Variants in SFTPD observed in about 807,000 individuals in gnomAD.
SFTPD encodes surfactant protein D, also known as pulmonary surfactant-associated protein D.
In SFTPD, 18 loss-of-function variants were observed where a neutral mutation model predicts 34.6. That is an observed-to-expected ratio of 0.52 (90% CI 0.36 to 0.77). The LOEUF (loss-of-function observed/expected upper bound fraction) is 0.77. SFTPD is among the 30% of genes least tolerant of loss of function. SFTPD has a pLI of 0.00. For missense variants in SFTPD, 433 were observed against 468.9 expected (o/e 0.92, Z 0.71); for synonymous variants, 155 against 180.9 (o/e 0.86, Z 1.15).
At chr10:79,943,789 A>G (rs1158516198) in intron 2 of SFTPD, among the ~76,000 whole-genome samples, 6 of 152,232 alleles carry the variant, frequency 3.9e-5, no homozygotes, top group Non-Finnish European at 7.3e-5. Context: ...ATGGAAGCAC[A>G]GAGGGTTATA....
chr10:79,978,626 T>C (rs960483692), intron 1 of SFTPD, among the ~76,000 whole-genome samples: 6 of 117,342 alleles, frequency 5.1e-5, no homozygotes, highest in Non-Finnish European at 9.5e-5. Context: ...CACTCTAGCC[T>C]GGGCAGCAGA....
intron 1 of SFTPD, chr10:79,972,876 C>T (rs1842843391): frequency 6.6e-6 from 1 of 152,120 alleles, no homozygotes; most frequent in Non-Finnish European, 1.5e-5. Context: ...TGGGAGGATG[C>T]TAGATTTTCT....
intron 1 of SFTPD, chr10:79,970,087 T>G (rs1390100797): frequency 6.6e-6 from 1 of 152,246 alleles, no homozygotes. Flanking sequence ...TTCAATCTTC[T>G]GCATGTGGAC....
chr10:79,967,015 C>T (rs1461581343), intron 1 of SFTPD, among the ~76,000 whole-genome samples: 1 of 138,166 alleles, frequency 7.2e-6, no homozygotes, highest in Middle Eastern at 3.3e-3. Flanking sequence ...TCAAATTGTC[C>T]CTGTTTGCAG....
intron 1 of SFTPD, among the ~76,000 whole-genome samples, chr10:79,963,614 A>G (rs1488761290): frequency 6.6e-6 from 1 of 152,156 alleles, no homozygotes; most frequent in Non-Finnish European, 1.5e-5. Context: ...CCTGTCATGT[A>G]TTTATGACCA....
Position 79,938,193 on chromosome 10 carries a change from T to C in SFTPD, c.787A>G (p.Lys263Glu). The change falls in exon 8 of 8, where the codon AAG (lysine) becomes GAG (glutamate). Residue 263 changes from lysine (K) to glutamate (E), a missense_variant. Physicochemically the swap from Lys to Glu is moderately conservative, Grantham distance 56. Coordinates refer to ENST00000372292, the MANE Select transcript of SFTPD (RefSeq NM_003019.5). ...LFPNGQSVGE[K>E]IFKTAGFVKP... is the part of the protein sequence containing the mutation. ...ACAAAGCCTGCTGTCTTGAAAATCT[T>C]CTCCCCGACACTTTGGCCATTTGGG... 2 of 1,601,672 alleles carry C rather than the reference T, an allele frequency of 1.2e-6. No homozygotes were observed. The highest frequency in any genetic ancestry group is 1.7e-6 in the Non-Finnish European group (2 of 1,169,594).
At chr10:79,973,617 CAA>C (rs5786429) in intron 1 of SFTPD, among the ~76,000 whole-genome samples, 910 of 90,600 alleles carry the variant, frequency 0.01, 10 homozygotes, top group African/African-American at 0.034. Context: ...GACTCTGTCT[CAA>C]AAAAAAAAAA....
chr10:79,976,828 C>T (rs941501919), intron 1 of SFTPD, among the ~76,000 whole-genome samples: 9 of 152,136 alleles, frequency 5.9e-5, no homozygotes, highest in Non-Finnish European at 5.9e-5. Context: ...CCCAGAATTC[C>T]CACATGTTGT....
At chr10:79,949,976 T>C (rs1342844197), upstream of SFTPD, 1 of 152,010 alleles carries the variant, frequency 6.6e-6, no homozygotes, top group Non-Finnish European at 1.5e-5. Context: ...TCAGCCTCTT[T>C]ACAGGTGAGC....
chr10:79,958,726 AC>A (rs1356169616), intron 1 of SFTPD, among the ~76,000 whole-genome samples: 1 of 152,244 alleles, frequency 6.6e-6, no homozygotes, highest in Non-Finnish European at 1.5e-5. Context: ...TCAACATTAG[AC>A]AGATCAACAA....
Position 79,939,681 on chromosome 10 carries a change from A to G in SFTPD, c.751+1024T>C, listed in dbSNP as rs1450140947. On this transcript the variant is annotated intron_variant, in intron 7 of 7. Coordinates refer to ENST00000372292, the MANE Select transcript of SFTPD (RefSeq NM_003019.5). The stretch of plus-strand genomic sequence containing the variant: ...TGAGTGAATTAGAGCATATGCAGAA[A>G]GAGATATATACCAAATGCTTGAAAC... Among the ~76,000 whole-genome samples the G allele has an allele frequency of 2.0e-5, 3 of 152,248 alleles. No individual in the cohort carries two copies. The East Asian group carries it at 5.8e-4, about 29-fold the overall frequency.
chr10:79,968,027 GAA>G (rs1431508464), intron 1 of SFTPD, among the ~76,000 whole-genome samples: 1 of 115,596 alleles, frequency 8.7e-6, no homozygotes, highest in African/African-American at 3.5e-5. Context: ...TTATTGCTCA[GAA>G]AAAAAAAAAA....
Position 79,946,585 on chromosome 10 carries a change from G to A in SFTPD, c.75C>T (p.Thr25=), listed in dbSNP as rs1185933551. The change falls in exon 2 of 8, where the codon ACC becomes ACT. Residue 25 remains threonine (T), a synonymous_variant. Transcript: ENST00000372292. The part of the protein sequence containing the change: ...PLGYLEAEMK[T]YSHRTMPSAC... ...CACTGGGCATTGTTCTGTGGGAGTA[G>A]GTCTTCATTTCTGCTTCCAGGTAGC... 1 of 1,614,094 alleles carries A rather than the reference G, an allele frequency of 6.2e-7. No individual in the cohort carries two copies. The highest frequency in any genetic ancestry group is 8.5e-7 in the Non-Finnish European group (1 of 1,180,020).
chr10:79,978,779 A>T lies in SFTPD; in HGVS notation c.36+3796T>A, dbSNP rs550801596. Among the ~76,000 whole-genome samples, 4 of 151,864 alleles carry T rather than the reference A, an allele frequency of 2.6e-5. No individual in the cohort carries two copies. The East Asian group carries it at 7.8e-4, about 29-fold the overall frequency. On this transcript the variant is annotated intron_variant, in intron 1 of 5. Coordinates refer to the SFTPD transcript ENST00000444384. ...AAATTCTAAAATGTTTTCCTTGAAG[A>T]TTAGAAACAAGACAAGGATGTACAC...
intron 6 of SFTPD, among the ~76,000 whole-genome samples, chr10:79,941,063 T>TG (rs1176725270): frequency 5.8e-4 from 20 of 34,698 alleles, no homozygotes; most frequent in South Asian, 1.1e-3. Flanking sequence ...ATTGGGTGGG[T>TG]GGGGGGGTTG....
chr10:79,977,296 G>A (rs1210826810), intron 1 of SFTPD, among the ~76,000 whole-genome samples: 1 of 152,190 alleles, frequency 6.6e-6, no homozygotes, highest in African/African-American at 2.4e-5. Context: ...AGGACTCACT[G>A]TATTGGTGCT....
Position 79,942,033 on chromosome 10 carries a change from C to G in SFTPD, c.471G>C (p.Gly157=). ...VGAPGMQGSA[G]ARGLAGPKGE... ...CCTTAGGGCCTGCGAGGCCTCTTGC[C>G]CCTGCCGAGCCCTGCATGCCTGGGG... Residue 157 remains glycine, a synonymous_variant, in exon 5 of 8, where the codon GGG becomes GGC. Transcript: ENST00000372292. The G allele has an allele frequency of 1.2e-6, 2 of 1,613,870 alleles. No homozygotes were observed. Among genetic ancestry groups the G allele is most frequent in the Non-Finnish European group, 1.7e-6 (2 of 1,179,874 alleles).
At chr10:79,960,982 A>T (rs1158178096) in intron 1 of SFTPD, among the ~76,000 whole-genome samples, 1 of 152,216 alleles carries the variant, frequency 6.6e-6, no homozygotes, top group Non-Finnish European at 1.5e-5. Context: ...AGCCCTCAGA[A>T]ATAATGCCGC....
chr10:79,973,791 G>A lies in SFTPD; in HGVS notation c.36+8784C>T, dbSNP rs75246750. Reference sequence around the variant, plus strand: ...GGTACCCAGCTCTAGTTCATAGCTTGCATCTACAAAGGTGCCAGTCTGGAA... The same window carrying A: ...GGTACCCAGCTCTAGTTCATAGCTTACATCTACAAAGGTGCCAGTCTGGAA... On this transcript the variant is annotated intron_variant, in intron 1 of 5. Transcript: ENST00000444384. Among the ~76,000 whole-genome samples the A allele has an allele frequency of 2.0e-4, 30 of 152,230 alleles. No individual in the cohort carries two copies. The East Asian group carries it at 5.8e-3, about 29-fold the overall frequency.
Sources: allele counts gnomAD v4.1 joint callset (sites outside exome capture counted in the v4.1 genomes callset), GRCh38; gene constraint gnomAD v4.1.1; transcripts MANE v1.5; gene names NCBI Gene and HGNC (gene_info 2026-07-23, HGNC 2026-07-21).